MDFIC2: variants seen among roughly 807,000 people sequenced by gnomAD.
The protein encoded by MDFIC2 is myoD family inhibitor domain-containing protein 2.
At chr3:70,250,356 T>C (rs887361445) in intron 2 of MDFIC2, among the ~76,000 whole-genome samples, 3 of 151,952 alleles carry the variant, frequency 2.0e-5, no homozygotes, top group South Asian at 4.2e-4. Flanking sequence ...TGAGAAGTCA[T>C]GCCCTGTGTT....
At chr3:70,271,099 T>G (rs1386440364) in intron 2 of MDFIC2, among the ~76,000 whole-genome samples, 2 of 152,010 alleles carry the variant, frequency 1.3e-5, no homozygotes, top group African/African-American at 4.8e-5. Flanking sequence ...TTATCGAAGC[T>G]GGGAAGTTGT....
At chr3:70,288,053 T>C (rs1702187093) in intron 2 of MDFIC2, among the ~76,000 whole-genome samples, 1 of 150,794 alleles carries the variant, frequency 6.6e-6, no homozygotes, top group Non-Finnish European at 1.5e-5. Flanking sequence ...TGTGTCTCTA[T>C]TTCCTTCAGT....
rs1191948335 is a variant in MDFIC2 at position 70,242,379 on chromosome 3, A to G, written c.89-35589T>C. On this transcript the variant is annotated intron_variant, in intron 2 of 3. Transcript: ENST00000567252. ...TTGTCAGTTTTTAAACTTTTTTCCC[A>G]TTTGTGGAAAATTTCTTTTTGTAGA... is the stretch of plus-strand genomic sequence containing the variant. Among the ~76,000 whole-genome samples, 4 of 152,104 alleles carry G rather than the reference A, an allele frequency of 2.6e-5. No individual in the cohort carries two copies. In the East Asian group the frequency reaches 7.7e-4, roughly 29 times the overall value.
chr3:70,287,056 TCCTG>T (rs1320050399), intron 2 of MDFIC2, among the ~76,000 whole-genome samples: 1 of 145,372 alleles, frequency 6.9e-6, no homozygotes, highest in Non-Finnish European at 1.5e-5. Flanking sequence ...TATTTCCTTC[TCCTG>T]CCTAATTGCC....
chr3:70,255,101 C>T (rs976831811), intron 2 of MDFIC2, among the ~76,000 whole-genome samples: 2 of 152,106 alleles, frequency 1.3e-5, no homozygotes, highest in Admixed American at 1.3e-4. Flanking sequence ...ATTGAAAGTT[C>T]AACTAATGAA....
chr3:70,299,353 A>G (rs900016450), intron 2 of MDFIC2, among the ~76,000 whole-genome samples: 4 of 151,830 alleles, frequency 2.6e-5, no homozygotes, highest in African/African-American at 9.7e-5. Context: ...TATAAAGCAT[A>G]TAAGATGTAC....
At chr3:70,281,092 C>T (rs138177075) in intron 2 of MDFIC2, among the ~76,000 whole-genome samples, 5 of 152,152 alleles carry the variant, frequency 3.3e-5, no homozygotes, top group African/African-American at 1.2e-4. Context: ...GCCTTTTCTC[C>T]TGTTAATCAG....
chr3:70,283,272 T>C (rs2049221), intron 2 of MDFIC2, among the ~76,000 whole-genome samples: 29,889 of 151,896 alleles, frequency 0.2, 3,076 homozygotes, highest in South Asian at 0.28. Flanking sequence ...GTCCTCTGAT[T>C]GATTGCTTTT....
At chr3:70,198,608 C>T (rs1391558358) in intron 3 of MDFIC2, among the ~76,000 whole-genome samples, 1 of 152,186 alleles carries the variant, frequency 6.6e-6, no homozygotes, top group African/African-American at 2.4e-5. Flanking sequence ...CATCCTCTTT[C>T]TCTTACCTTC....
chr3:70,214,258 C>A (rs1342739106), intron 2 of MDFIC2, among the ~76,000 whole-genome samples: 1 of 151,966 alleles, frequency 6.6e-6, no homozygotes, highest in Non-Finnish European at 1.5e-5. Flanking sequence ...TGGAAGACGT[C>A]CTTTAAAGAC....
At chr3:70,286,080 A>G (rs1702160127) in intron 2 of MDFIC2, among the ~76,000 whole-genome samples, 1 of 152,010 alleles carries the variant, frequency 6.6e-6, no homozygotes, top group Non-Finnish European at 1.5e-5. Context: ...CCATTTGTCA[A>G]TTTTGTGTTT....
At chr3:70,294,267 A>T (rs558246567) in intron 2 of MDFIC2, among the ~76,000 whole-genome samples, 3,025 of 152,262 alleles carry the variant, frequency 0.02, 35 homozygotes, top group Non-Finnish European at 0.03. Context: ...TTCTTTATAA[A>T]ACATTTTCTT....
chr3:70,225,067 G>A (rs1407109170), intron 2 of MDFIC2, among the ~76,000 whole-genome samples: 1 of 151,986 alleles, frequency 6.6e-6, no homozygotes, highest in Non-Finnish European at 1.5e-5. Context: ...ATATATCTTG[G>A]GTGTTGGAAA....
intron 2 of MDFIC2, among the ~76,000 whole-genome samples, chr3:70,261,328 A>T (rs1264633677): frequency 1.3e-5 from 2 of 152,130 alleles, no homozygotes; most frequent in Admixed American, 1.3e-4. Context: ...TTGTCCCTTC[A>T]TCATAATCTA....
At chr3:70,246,544 T>C (rs969192734) in intron 2 of MDFIC2, among the ~76,000 whole-genome samples, 2 of 152,106 alleles carry the variant, frequency 1.3e-5, no homozygotes, top group African/African-American at 4.8e-5. Context: ...CAATTTAATT[T>C]GAATTTCAGT....
At chr3:70,266,674 A>G (rs1218354106) in intron 2 of MDFIC2, among the ~76,000 whole-genome samples, 1 of 152,032 alleles carries the variant, frequency 6.6e-6, no homozygotes, top group Non-Finnish European at 1.5e-5. Flanking sequence ...TCAAACTCCT[A>G]GGCCCAAGAG....
chr3:70,214,241 C>T (rs972459256), intron 2 of MDFIC2, among the ~76,000 whole-genome samples: 1 of 151,968 alleles, frequency 6.6e-6, no homozygotes, highest in Admixed American at 6.6e-5. Context: ...CAAATGGCAG[C>T]TCTGGTTGGA....
At chr3:70,266,196 T>G (rs1007933382) in intron 2 of MDFIC2, among the ~76,000 whole-genome samples, 1 of 152,212 alleles carries the variant, frequency 6.6e-6, no homozygotes, top group Non-Finnish European at 1.5e-5. Flanking sequence ...CATTTATGTT[T>G]TTTTATTGAA....
At chr3:70,207,845 C>A (rs552795830) in intron 2 of MDFIC2, among the ~76,000 whole-genome samples, 1 of 152,044 alleles carries the variant, frequency 6.6e-6, no homozygotes, top group Admixed American at 6.6e-5. Context: ...TCTGTGGAGT[C>A]CTGGAACCAG....
Sources: allele counts gnomAD v4.1 joint callset (sites outside exome capture counted in the v4.1 genomes callset), GRCh38; gene constraint gnomAD v4.1.1; transcripts MANE v1.5; gene names NCBI Gene and HGNC (gene_info 2026-07-23, HGNC 2026-07-21).